PARP11: variants seen among roughly 807,000 people sequenced by gnomAD.
The protein encoded by PARP11 is poly(ADP-ribose) polymerase family member 11, also known as protein mono-ADP-ribosyltransferase PARP11.
A neutral mutation model predicts 42.9 loss-of-function variants in PARP11; 31 were observed. The observed-to-expected ratio is 0.72, with a 90% CI of 0.54 to 0.98. PARP11 has a LOEUF of 0.98. Among genes scored for constraint, PARP11 ranks in the 50% least tolerant of loss-of-function variants. The pLI is 0.00. For synonymous variants in PARP11, 137 were observed against 127.3 expected (o/e 1.08, Z -0.51); for missense variants, 365 against 413.1 (o/e 0.88, Z 1.01).
chr12:3,839,188 G>GGAGCCC (rs1286964294), intron 1 of PARP11, among the ~76,000 whole-genome samples: 1 of 148,480 alleles, frequency 6.7e-6, no homozygotes, highest in Non-Finnish European at 1.5e-5. Flanking sequence ...CGCCGCTCGC[G>GGAGCCC]GAGCCCGAGC....
rs1270046918 is a variant in PARP11, at chr12:3,840,467, G to A, written c.19-10449C>T. On this transcript the variant is annotated intron_variant, in intron 1 of 7. Transcript: ENST00000228820. This position sits in a 1 kb window ranked among gnomAD's most constrained non-coding sequence, Gnocchi z 4.4. Reference sequence around the variant, plus strand: ...CAGCATCCTTCAGGAGTAAGACAACGTGAGTTCTCTAGTCATTCTTCAGGG... The same window carrying A: ...CAGCATCCTTCAGGAGTAAGACAACATGAGTTCTCTAGTCATTCTTCAGGG... 48 of 1,612,556 alleles carry A rather than the reference G, an allele frequency of 3.0e-5. No individual in the cohort carries two copies. Among genetic ancestry groups the A allele is most frequent in the Admixed American group, 8.3e-5 (5 of 60,028 alleles).
chr12:3,823,601 C>A (rs1218580247), intron 4 of PARP11, among the ~76,000 whole-genome samples: 2 of 152,156 alleles, frequency 1.3e-5, no homozygotes, highest in African/African-American at 2.4e-5. Context: ...ATTTAGCTTG[C>A]CTCCAACTTT....
intron 1 of PARP11, among the ~76,000 whole-genome samples, chr12:3,853,754 G>C (rs1031722290): frequency 2.6e-5 from 4 of 152,144 alleles, no homozygotes; most frequent in Non-Finnish European, 5.9e-5. Flanking sequence ...AGGATATCCA[G>C]GACTTGCACT....
chr12:3,862,652 T>C (rs1202279229), intron 1 of PARP11, among the ~76,000 whole-genome samples: 1 of 151,290 alleles, frequency 6.6e-6, no homozygotes, highest in Non-Finnish European at 1.5e-5. Flanking sequence ...GACGTTCATT[T>C]TTCTGCATAT....
At chr12:3,830,146 C>G (rs964492669) in intron 1 of PARP11, 128 bp from the exon 2 acceptor site, 22 of 735,404 alleles carry the variant, frequency 3.0e-5, no homozygotes, top group Non-Finnish European at 4.4e-5. Context: ...ACTTTAAAAA[C>G]AGCTTTCTAT....
At chr12:3,835,614 A>T (rs1024633818) in intron 1 of PARP11, among the ~76,000 whole-genome samples, 18 of 152,228 alleles carry the variant, frequency 1.2e-4, no homozygotes, top group Admixed American at 6.5e-4. Context: ...TCAAAGACAT[A>T]AATGAAACTT....
chr12:3,833,163 C>T (rs1168291403), intron 1 of PARP11, among the ~76,000 whole-genome samples: 1 of 152,192 alleles, frequency 6.6e-6, no homozygotes, highest in East Asian at 1.9e-4. Flanking sequence ...ATAGTATCTT[C>T]AGGAAATCAT....
At position 3,840,332 on chromosome 12, in the gene PARP11, T is replaced by A. The variant is rs55751831; in HGVS notation, c.19-10314A>T. The A allele has an allele frequency of 0.039, 63,498 of 1,614,010 alleles. 1,708 individuals are homozygous for A. Among genetic ancestry groups the A allele is most frequent in the South Asian group, 0.11 (9,998 of 91,070 alleles). On this transcript the variant is annotated intron_variant, in intron 1 of 7. Coordinates refer to ENST00000228820, the MANE Select transcript of PARP11 (RefSeq NM_020367.6). This position sits in a 1 kb window ranked among gnomAD's most constrained non-coding sequence, Gnocchi z 4.4. ...TGGAACACAGTGTCAGGGAAGAAGA[T>A]GAAAAAACCTTCCACTTCTGGACAA...
At chr12:3,833,124 A>C (rs533168905) in intron 1 of PARP11, among the ~76,000 whole-genome samples, 1 of 152,342 alleles carries the variant, frequency 6.6e-6, no homozygotes, top group East Asian at 1.9e-4. Context: ...TTACTACAAC[A>C]AAGTATAATT....
At chr12:3,867,558 A>G (rs1445416017) in intron 1 of PARP11, among the ~76,000 whole-genome samples, 1 of 152,202 alleles carries the variant, frequency 6.6e-6, no homozygotes, top group African/African-American at 2.4e-5. Flanking sequence ...TCAGGGCCAA[A>G]ATACCCTGAT....
chr12:3,865,784 T>C (rs1190602110), intron 1 of PARP11, among the ~76,000 whole-genome samples: 2 of 152,242 alleles, frequency 1.3e-5, no homozygotes, highest in Non-Finnish European at 2.9e-5. Flanking sequence ...TCTTGTTTTT[T>C]TAATCCAATC....
intron 1 of PARP11, among the ~76,000 whole-genome samples, chr12:3,851,781 G>A (rs1049093145): frequency 6.6e-6 from 1 of 152,226 alleles, no homozygotes; most frequent in Non-Finnish European, 1.5e-5. Context: ...CAGTGTTTGA[G>A]CTCCAAGAAT....
chr12:3,844,527 A>G (rs1268359831), intron 1 of PARP11, among the ~76,000 whole-genome samples: 4 of 152,190 alleles, frequency 2.6e-5, no homozygotes, highest in Non-Finnish European at 4.4e-5. Context: ...CAGGAGTCCA[A>G]AATAAGTTGT....
chr12:3,870,110 C>T (rs1948448608), intron 1 of PARP11, among the ~76,000 whole-genome samples: 1 of 152,198 alleles, frequency 6.6e-6, no homozygotes, highest in African/African-American at 2.4e-5. Flanking sequence ...TATTTTCAGA[C>T]CGCAGCTGAC....
chr12:3,839,281 G>A (rs978820126), intron 1 of PARP11, among the ~76,000 whole-genome samples: 1 of 151,546 alleles, frequency 6.6e-6, no homozygotes, highest in African/African-American at 2.4e-5. Flanking sequence ...CTCGCGCCTG[G>A]CCTGCAGCAG....
chr12:3,839,229 G>C (rs982525883), intron 1 of PARP11, among the ~76,000 whole-genome samples: 1 of 150,342 alleles, frequency 6.7e-6, no homozygotes, highest in Non-Finnish European at 1.5e-5. Flanking sequence ...ACCCCAGGCC[G>C]GGGCGTCGAG....
At chr12:3,872,682 G>A in intron 1 of PARP11, 1 of 985,292 alleles carries the variant, frequency 1.0e-6, no homozygotes, top group Non-Finnish European at 1.2e-6. Context: ...TTCAAGACAA[G>A]GGGGTCCCAA....
chr12:3,814,057 T>C lies in PARP11; in HGVS notation c.680A>G (p.His227Arg), dbSNP rs1039958043. ...HNFDWRINGI[H>R]GAVFGKGTYF... is the part of the protein sequence containing the mutation. ...ATTACCTTTTCCAAAGACAGCACCA[T>C]GTATACCATTTATTCTCCAATCAAA... Residue 227 changes from histidine (H) to arginine (R), a missense_variant, in exon 7 of 8, where the codon CAT becomes CGT. Physicochemically the swap from His to Arg is conservative, Grantham distance 29. Coordinates refer to ENST00000228820, the MANE Select transcript of PARP11 (RefSeq NM_020367.6). 7 of 1,599,158 alleles carry C rather than the reference T, an allele frequency of 4.4e-6. No homozygotes were observed. Among genetic ancestry groups the C allele is most frequent in the East Asian group, 2.2e-5 (1 of 44,520 alleles).
chr12:3,842,269 A>G, intron 1 of PARP11: 1 of 1,603,502 alleles, frequency 6.2e-7, no homozygotes, highest in African/African-American at 1.3e-5. Context: ...GAAGTGTCAT[A>G]TTTTGAGAAG....
Sources: gnomAD v4.1 joint callset for allele counts (sites outside exome capture counted in the v4.1 genomes callset) on GRCh38, gnomAD v4.1.1 for gene constraint, Gnocchi (gnomAD v3.1) non-coding constraint, MANE v1.5 for transcripts, NCBI Gene and HGNC (gene_info 2026-07-23, HGNC 2026-07-21) for gene names.